TMEM74: variants seen among roughly 807,000 people sequenced by gnomAD.
TMEM74 encodes transmembrane protein 74.
Under a neutral mutation model 18.1 loss-of-function variants are expected in TMEM74, and 13 were observed. The ratio of observed to expected loss-of-function variants is 0.72; its 90% CI spans 0.47 to 1.14. TMEM74 has a LOEUF of 1.14. Among genes scored for constraint, TMEM74 ranks in the 50% most tolerant of loss-of-function variants. The pLI, the probability that TMEM74 is intolerant of heterozygous loss-of-function variation, is 0.00. For synonymous variants in TMEM74, 159 were observed against 146.6 expected, an observed-to-expected ratio of 1.08 and a Z score of -0.61; for missense variants, 372 against 375.9, an observed-to-expected ratio of 0.99 and a Z score of 0.09.
intron 2 of TMEM74, among the ~76,000 whole-genome samples, chr8:108,614,035 G>GTTTTTTT (rs11393201): frequency 7.3e-6 from 1 of 137,104 alleles, no homozygotes; most frequent in African/African-American, 2.7e-5. Context: ...TTTTCATAAG[G>GTTTTTTT]TTTTTTTTTT....
rs186614501 is a variant in TMEM74, at chr8:108,746,209, G to A, written n.119+41267C>T. Among the ~76,000 whole-genome samples, 308 of 152,268 alleles carry A rather than the reference G, an allele frequency of 2.0e-3. 2 individuals carry two copies. The highest frequency in any genetic ancestry group is 6.3e-3 in the African/African-American group (262 of 41,552). ...TTGTCCCAAGGAAAATCATTTAAGA[G>A]GGGAGGCTATTTTGACTGAAAGAGT... is the stretch of plus-strand genomic sequence containing the variant. On this transcript the variant is annotated intron_variant and non_coding_transcript_variant, in intron 1 of 3. Transcript: ENST00000518838.
chr8:108,611,025 C>A (rs1270272122), intron 2 of TMEM74, among the ~76,000 whole-genome samples: 1 of 152,180 alleles, frequency 6.6e-6, no homozygotes, highest in Non-Finnish European at 1.5e-5. Context: ...AAACCTGATC[C>A]TGTCCTCAAA....
intron 2 of TMEM74, among the ~76,000 whole-genome samples, chr8:108,627,450 G>A (rs765035344): frequency 3.3e-5 from 5 of 151,972 alleles, no homozygotes; most frequent in South Asian, 2.1e-4. Context: ...TGTAAAGTAG[G>A]GATAATGCTA....
At chr8:108,706,776 G>GGTGTGTGTGTGTGTGTGT (rs3049749) in intron 1 of TMEM74, among the ~76,000 whole-genome samples, 36 of 144,870 alleles carry the variant, frequency 2.5e-4, no homozygotes, top group Non-Finnish European at 4.8e-4. Context: ...AATTACAAGG[G>GGTGTGTGTGTGTGTGTGT]GTGTGTGTGT....
intron 2 of TMEM74, among the ~76,000 whole-genome samples, chr8:108,628,878 G>T (rs1223881865): frequency 6.6e-6 from 1 of 152,070 alleles, no homozygotes; most frequent in Non-Finnish European, 1.5e-5. Flanking sequence ...TTTCTCTAAT[G>T]ACCAGTGATG....
chr8:108,722,612 G>A (rs1479260025), intron 1 of TMEM74, among the ~76,000 whole-genome samples: 2 of 152,144 alleles, frequency 1.3e-5, no homozygotes, highest in Non-Finnish European at 2.9e-5. Context: ...GGGTAATAAT[G>A]CTTACCTTGT....
At chr8:108,662,809 C>T (rs73306201) in intron 1 of TMEM74, among the ~76,000 whole-genome samples, 1 of 152,058 alleles carries the variant, frequency 6.6e-6, no homozygotes, top group Non-Finnish European at 1.5e-5. Flanking sequence ...CATCACCTGG[C>T]CTGGGAAGTC....
chr8:108,710,197 C>A (rs138817820), intron 1 of TMEM74, among the ~76,000 whole-genome samples: 2 of 152,180 alleles, frequency 1.3e-5, no homozygotes, highest in Non-Finnish European at 2.9e-5. Context: ...GTAAAGGATG[C>A]GTTTAGTATA....
At chr8:108,703,978 A>G (rs890812925) in intron 1 of TMEM74, among the ~76,000 whole-genome samples, 1 of 152,226 alleles carries the variant, frequency 6.6e-6, no homozygotes, top group Non-Finnish European at 1.5e-5. Flanking sequence ...CCTACTGTGA[A>G]TAAATGCTGC....
At position 108,741,987 on chromosome 8, in the gene TMEM74, T is replaced by A. The variant is rs578028892; in HGVS notation, n.119+45489A>T. Among the ~76,000 whole-genome samples the A allele has an allele frequency of 4.4e-4, 67 of 152,248 alleles. 1 individual carries two copies. In the South Asian group the frequency reaches 0.014, roughly 31 times the overall value. On this transcript the variant is annotated intron_variant and non_coding_transcript_variant, in intron 1 of 3. Coordinates refer to the TMEM74 transcript ENST00000518838. Reference sequence around the variant, plus strand: ...AGCCATAAAAACGAATGAGATCATGTCTTTTGTGGGAACATGGATGGAGTT... The same window carrying A: ...AGCCATAAAAACGAATGAGATCATGACTTTTGTGGGAACATGGATGGAGTT...
chr8:108,746,347 G>A (rs1007962340), intron 1 of TMEM74, among the ~76,000 whole-genome samples: 5 of 151,954 alleles, frequency 3.3e-5, no homozygotes, highest in African/African-American at 1.2e-4. Flanking sequence ...GTTTTCCCTA[G>A]GCAATGCAGA....
chr8:108,736,963 C>T (rs982212296), intron 1 of TMEM74, among the ~76,000 whole-genome samples: 4 of 152,086 alleles, frequency 2.6e-5, no homozygotes, highest in African/African-American at 7.2e-5. Flanking sequence ...ACTATAGATG[C>T]CTTTTGGTCA....
chr8:108,652,543 C>A, intron 2 of TMEM74: 1 of 541,396 alleles, frequency 1.8e-6, no homozygotes, highest in South Asian at 2.0e-5. Flanking sequence ...TGCTCATTCT[C>A]AAACAATTTG....
chr8:108,719,360 T>C (rs1290872651), intron 1 of TMEM74, among the ~76,000 whole-genome samples: 1 of 152,182 alleles, frequency 6.6e-6, no homozygotes, highest in East Asian at 1.9e-4. Flanking sequence ...TTTAATATCA[T>C]TGTAGTCTTC....
intron 1 of TMEM74, among the ~76,000 whole-genome samples, chr8:108,771,109 C>A (rs1814166348): frequency 1.3e-5 from 2 of 152,136 alleles, no homozygotes; most frequent in South Asian, 4.1e-4. Context: ...TCATACTTTA[C>A]TATTTTCTCT....
intron 2 of TMEM74, among the ~76,000 whole-genome samples, chr8:108,627,941 G>C (rs549342804): frequency 1.3e-5 from 2 of 151,984 alleles, no homozygotes; most frequent in African/African-American, 4.8e-5. Context: ...TGTAATCCCA[G>C]CTACTCACGA....
rs571009348 is a variant in TMEM74 at position 108,666,293 on chromosome 8, G to T, written n.120-10856C>A. Among the ~76,000 whole-genome samples, 92 of 152,282 alleles carry T rather than the reference G, an allele frequency of 6.0e-4. 1 individual carries two copies. Among genetic ancestry groups the T allele is most frequent in the African/African-American group, 2.2e-3 (91 of 41,554 alleles). On this transcript the variant is annotated intron_variant and non_coding_transcript_variant, in intron 1 of 3. Coordinates refer to the TMEM74 transcript ENST00000518838. ...AAGATTAATCTAATAGACTTCGTTT[G>T]CTTAAAAGCTAATCATTGCTTAGGA...
At chr8:108,644,826 G>T (rs79346303) in intron 2 of TMEM74, among the ~76,000 whole-genome samples, 2,906 of 152,194 alleles carry the variant, frequency 0.019, 99 homozygotes, top group African/African-American at 0.066. Flanking sequence ...AGTCAGAATG[G>T]CTACTATTAA....
chr8:108,661,850 C>G (rs1172550161), intron 1 of TMEM74, among the ~76,000 whole-genome samples: 1 of 151,990 alleles, frequency 6.6e-6, no homozygotes, highest in African/African-American at 2.4e-5. Context: ...AAAGGACCTT[C>G]TAAGGAGGAA....
Sources: allele counts gnomAD v4.1 joint callset (sites outside exome capture counted in the v4.1 genomes callset), GRCh38; gene constraint gnomAD v4.1.1; transcripts MANE v1.5; gene names NCBI Gene and HGNC (gene_info 2026-07-23, HGNC 2026-07-21).